Variants in L3MBTL4 observed in about 807,000 individuals in gnomAD.
The protein encoded by L3MBTL4 is L3MBTL histone methyl-lysine binding protein 4.
L3MBTL4 carries 70 observed loss-of-function variants against 84.5 expected under a neutral mutation model. The ratio of observed to expected loss-of-function variants is 0.83; its 90% CI spans 0.68 to 1.01. The LOEUF (loss-of-function observed/expected upper bound fraction) is 1.01. L3MBTL4 is among the 50% of genes least tolerant of loss of function. L3MBTL4 has a pLI of 0.00. For missense variants in L3MBTL4, 715 were observed against 754.8 expected, an observed-to-expected ratio of 0.95 and a Z score of 0.62; for synonymous variants, 274 against 259.8, an observed-to-expected ratio of 1.05 and a Z score of -0.52.
chr18:6,373,407 A>C (rs1320334699), intron 1 of L3MBTL4, among the ~76,000 whole-genome samples: 1 of 152,220 alleles, frequency 6.6e-6, no homozygotes, highest in African/African-American at 2.4e-5. Flanking sequence ...ATAAAAACGC[A>C]GACCAACACT....
intron 14 of L3MBTL4, among the ~76,000 whole-genome samples, chr18:6,098,171 C>T (rs921968993): frequency 1.3e-5 from 2 of 152,196 alleles, no homozygotes; most frequent in African/African-American, 2.4e-5. Flanking sequence ...TCTCTGAGAG[C>T]CCTGTTCTGC....
At chr18:6,060,671 G>A (rs1188632744) in intron 16 of L3MBTL4, among the ~76,000 whole-genome samples, 1 of 152,034 alleles carries the variant, frequency 6.6e-6, no homozygotes, top group Non-Finnish European at 1.5e-5. Context: ...ATAATGACAT[G>A]TATCCACTAT....
intron 16 of L3MBTL4, among the ~76,000 whole-genome samples, chr18:5,984,091 TA>T (rs1326996349): frequency 6.6e-6 from 1 of 152,178 alleles, no homozygotes; most frequent in Non-Finnish European, 1.5e-5. Context: ...TTTGTATTTT[TA>T]GTACAGATGG....
intron 16 of L3MBTL4, among the ~76,000 whole-genome samples, chr18:6,055,969 G>A (rs564377980): frequency 8.5e-5 from 13 of 152,160 alleles, no homozygotes; most frequent in African/African-American, 2.6e-4. Flanking sequence ...TATGCAAGTG[G>A]CTATAAGGCG....
chr18:6,107,291 G>A (rs2059042351), intron 14 of L3MBTL4, among the ~76,000 whole-genome samples: 1 of 152,164 alleles, frequency 6.6e-6, no homozygotes, highest in South Asian at 2.1e-4. Flanking sequence ...GCTGAGGGGT[G>A]GGCCTGGGAA....
intron 4 of L3MBTL4, among the ~76,000 whole-genome samples, chr18:6,266,106 AC>A (rs1289677626): frequency 1.3e-5 from 2 of 152,338 alleles, no homozygotes; most frequent in African/African-American, 2.4e-5. Flanking sequence ...AAATAAAAAA[AC>A]ATACATACAT....
intron 1 of L3MBTL4, among the ~76,000 whole-genome samples, chr18:6,348,181 G>A (rs1463331510): frequency 6.6e-6 from 1 of 151,450 alleles, no homozygotes. Context: ...CATATATATG[G>A]ATTAGAAGAT....
chr18:6,031,509 T>C (rs2145606939), intron 16 of L3MBTL4: 3 of 985,156 alleles, frequency 3.0e-6, no homozygotes, highest in Middle Eastern at 5.2e-4. Flanking sequence ...ATTTACTTAG[T>C]TCACACATCT....
intron 1 of L3MBTL4, among the ~76,000 whole-genome samples, chr18:6,358,043 G>A (rs942291794): frequency 1.3e-5 from 2 of 152,190 alleles, no homozygotes; most frequent in African/African-American, 4.8e-5. Context: ...CTCATCCGCA[G>A]CCTGGCCTAC....
intron 17 of L3MBTL4, among the ~76,000 whole-genome samples, chr18:5,964,203 G>A (rs932477522): frequency 5.9e-5 from 9 of 152,250 alleles, no homozygotes; most frequent in African/African-American, 2.2e-4. Flanking sequence ...CACTGAGAAA[G>A]TTAATTCTAA....
chr18:6,316,029 TCAC>T (rs1191391246), intron 1 of L3MBTL4, among the ~76,000 whole-genome samples: 1 of 152,088 alleles, frequency 6.6e-6, no homozygotes, highest in African/African-American at 2.4e-5. Flanking sequence ...AACAGTTACG[TCAC>T]TCTCACGGAG....
chr18:6,357,456 A>T (rs1478030616), intron 1 of L3MBTL4, among the ~76,000 whole-genome samples: 2 of 152,202 alleles, frequency 1.3e-5, no homozygotes, highest in Non-Finnish European at 2.9e-5. Flanking sequence ...TTTCTATAAA[A>T]CCAGCCACCC....
At chr18:6,205,110 G>C (rs2045816014) in intron 12 of L3MBTL4, among the ~76,000 whole-genome samples, 1 of 152,168 alleles carries the variant, frequency 6.6e-6, no homozygotes, top group Non-Finnish European at 1.5e-5. Flanking sequence ...TAAGGATCTT[G>C]AGACGAGGGA....
intron 1 of L3MBTL4, among the ~76,000 whole-genome samples, chr18:6,355,604 C>T (rs2053406929): frequency 6.6e-6 from 1 of 151,918 alleles, no homozygotes; most frequent in South Asian, 2.1e-4. Context: ...AATACAAAGG[C>T]CTGGAAAATG....
Position 6,398,003 on chromosome 18 carries a change from C to T in L3MBTL4, c.-91+16798G>A, listed in dbSNP as rs2055346897. 3 of 152,148 alleles carry T rather than the reference C, an allele frequency of 2.0e-5. No homozygotes were observed. The South Asian group carries it at 6.2e-4, about 32-fold the overall frequency. The allele number at this position is 152,148 out of a possible 1,614,324, so 9.4% of individuals were successfully genotyped here. On this transcript the variant is annotated intron_variant, in intron 1 of 18. Coordinates refer to ENST00000317931, the MANE Select transcript of L3MBTL4 (RefSeq NM_001330559.2). ...AATCCATTATTCTGAGATGGTTTCC[C>T]TCTTACATTTTTGTTGTTAAGGTTA... is the stretch of plus-strand genomic sequence containing the variant.
intron 16 of L3MBTL4, among the ~76,000 whole-genome samples, chr18:6,057,537 C>T (rs523364): frequency 6.6e-6 from 1 of 151,982 alleles, no homozygotes; most frequent in African/African-American, 2.4e-5. Context: ...TTAAATACTT[C>T]TTGTTTACTT....
In L3MBTL4 at chr18:6,080,634, T is replaced by C. The variant is rs536820996; in HGVS notation, c.1444+247A>G. ...CTGTTGGTTTACACTTTTCCTATCA[T>C]GAGTGGGGACCATAGAGATCATAGA... On this transcript the variant is annotated intron_variant, in intron 16 of 18. Coordinates refer to ENST00000317931, the MANE Select transcript of L3MBTL4 (RefSeq NM_001330559.2). Among the ~76,000 whole-genome samples the C allele has an allele frequency of 2.6e-5, 4 of 152,318 alleles. No homozygotes were observed. In the East Asian group the frequency reaches 5.8e-4, roughly 22 times the overall value.
At chr18:5,971,916 A>C (rs950699376) in intron 16 of L3MBTL4, among the ~76,000 whole-genome samples, 1 of 152,230 alleles carries the variant, frequency 6.6e-6, no homozygotes, top group Non-Finnish European at 1.5e-5. Context: ...TATGCTGTGC[A>C]TTTGAACTCA....
At chr18:6,383,585 T>C (rs2054688705) in intron 1 of L3MBTL4, among the ~76,000 whole-genome samples, 1 of 152,138 alleles carries the variant, frequency 6.6e-6, no homozygotes, top group Admixed American at 6.5e-5. Context: ...CCTCTTGCCC[T>C]TCCTGGGTGA....
Sources: allele counts gnomAD v4.1 joint callset (sites outside exome capture counted in the v4.1 genomes callset), GRCh38; gene constraint gnomAD v4.1.1; transcripts MANE v1.5; gene names NCBI Gene and HGNC (gene_info 2026-07-23, HGNC 2026-07-21).